The following NLRP8 variants were observed in gnomAD, a reference collection of about 807,000 sequenced individuals.
NLRP8 encodes the protein NACHT, LRR and PYD domains-containing protein 8.
Under a neutral mutation model 88.7 loss-of-function variants are expected in NLRP8, and 86 were observed. The ratio of observed to expected loss-of-function variants is 0.97; its 90% CI spans 0.81 to 1.16. NLRP8 has a LOEUF of 1.16. NLRP8 is among the 50% of genes most tolerant of loss of function. The pLI is 0.00. For synonymous variants in NLRP8, 504 were observed against 494.6 expected (o/e 1.02, Z -0.25); for missense variants, 1,342 against 1,286.5 (o/e 1.04, Z -0.66).
rs754607256 is a variant in NLRP8, at chr19:55,970,629, C to T, written c.2467C>T (p.Leu823=). Residue 823 remains leucine (L), a synonymous_variant, in exon 6 of 10, where the codon CTA becomes TTA. Transcript: ENST00000291971. ...TAACGGGCATCTAAAGACTCTCATA[C>T]TAAGAAAAAACTCCCTGGAGAACTG... The T allele has an allele frequency of 2.5e-6, 4 of 1,614,034 alleles. No homozygotes were observed. The East Asian group carries it at 6.7e-5, about 27-fold the overall frequency.
rs897678832 is a variant in NLRP8, at chr19:55,955,725, G to A, written c.1667G>A (p.Gly556Glu). Reference sequence around the variant, plus strand: ...AGCAAAAGCTATCTCTCTCACATGGGACTTTTCTTATTCGGTTTTCTGAAC... The same window carrying A: ...AGCAAAAGCTATCTCTCTCACATGGAACTTTTCTTATTCGGTTTTCTGAAC... Residue 556 changes from glycine (G) to glutamate (E), a missense_variant, in exon 3 of 10, where the codon GGA becomes GAA. Gly to Glu is a moderately conservative substitution (Grantham distance 98, BLOSUM62 -2). Transcript: ENST00000291971. The A allele has an allele frequency of 2.5e-6, 4 of 1,613,908 alleles. No homozygotes were observed. The highest frequency in any genetic ancestry group is 3.4e-6 in the Non-Finnish European group (4 of 1,179,942).
At position 55,955,059 on chromosome 19, in the gene NLRP8, T is replaced by C; in HGVS notation, c.1001T>C (p.Ile334Thr). 1.2e-6 allele frequency: 2 copies of C among 1,614,136 alleles called. No homozygotes were observed. The highest frequency in any genetic ancestry group is 1.1e-5 in the South Asian group (1 of 91,086). ...CCAGAGGCCACGCTACTGATCATGA[T>C]AAGATTTACCTCTTGGCAGACATGC... is the stretch of plus-strand genomic sequence containing the variant. The change falls in exon 3 of 10, where the codon ATA becomes ACA. Residue 334 changes from isoleucine (I) to threonine (T), a missense_variant. Coordinates refer to ENST00000291971, the MANE Select transcript of NLRP8 (RefSeq NM_176811.2).
Position 55,966,223 on chromosome 19 carries a change from G to A in NLRP8, c.2224G>A (p.Val742Met). 2.5e-6 allele frequency: 4 copies of A among 1,614,110 alleles called. No homozygotes were observed. The highest frequency in any genetic ancestry group is 3.4e-6 in the Non-Finnish European group (4 of 1,179,964). ...CTCTTCCCTCTCCAGCCTAAGGCGT[G>A]TGAATAGCACCATGTTGAACCAGGA... Residue 742 changes from valine (V) to methionine (M), a missense_variant, in exon 5 of 10, where the codon GTG becomes ATG. Transcript: ENST00000291971.
intron 9 of NLRP8, among the ~76,000 whole-genome samples, chr19:55,985,405 T>C (rs1233390749): frequency 3.9e-5 from 6 of 152,094 alleles, no homozygotes; most frequent in South Asian, 2.1e-4. Flanking sequence ...TGGAGAAATA[T>C]ACTAGGGAAA....
intron 9 of NLRP8, among the ~76,000 whole-genome samples, chr19:55,987,298 A>T (rs1980893935): frequency 6.6e-6 from 1 of 152,236 alleles, no homozygotes; most frequent in Non-Finnish European, 1.5e-5. Flanking sequence ...TTAACCCAGG[A>T]GGCAGAGGTT....
Position 55,952,529 on chromosome 19 carries a change from C to A in NLRP8, c.368-9C>A, listed in dbSNP as rs754663279. ...TTCCCGTGGAACAGCCTCCTTTTTTCTGTTACAGCCATTCTGCCTACCTTG... is the reference window on the plus strand; with the variant it reads ...TTCCCGTGGAACAGCCTCCTTTTTTATGTTACAGCCATTCTGCCTACCTTG... On this transcript the variant is annotated splice_polypyrimidine_tract_variant and intron_variant, in intron 1 of 9. Transcript: ENST00000291971. The A allele has an allele frequency of 1.2e-5, 19 of 1,612,114 alleles. No homozygotes were observed. The South Asian group carries it at 2.1e-4, about 18-fold the overall frequency.
At chr19:55,982,463 A>T (rs150280183) in intron 9 of NLRP8, among the ~76,000 whole-genome samples, 1 of 152,234 alleles carries the variant, frequency 6.6e-6, no homozygotes, top group Non-Finnish European at 1.5e-5. Context: ...GCCATGAAAA[A>T]GAAACTTAAG....
In NLRP8 at chr19:55,954,650, C is replaced by A; in HGVS notation, c.592C>A (p.Pro198Thr). 1 of 1,614,170 alleles carries A rather than the reference C, an allele frequency of 6.2e-7. No homozygotes were observed. The stretch of plus-strand genomic sequence containing the variant: ...ACCATGTCTGCTTCTGCCCAAAAGA[C>A]CCCAGGGTAGACAGCCCAAGACCGT... Residue 198 changes from proline (P) to threonine (T), a missense_variant, in exon 3 of 10, where the codon CCC (proline) becomes ACC (threonine). By Grantham distance (38) the Pro-to-Thr change is conservative (BLOSUM62 -1). Coordinates refer to ENST00000291971, the MANE Select transcript of NLRP8 (RefSeq NM_176811.2).
At chr19:55,959,532 G>A (rs1979523338) in intron 3 of NLRP8, among the ~76,000 whole-genome samples, 1 of 151,630 alleles carries the variant, frequency 6.6e-6, no homozygotes, top group Non-Finnish European at 1.5e-5. Flanking sequence ...TTTTTAAAAG[G>A]AATTGCTGCA....
chr19:55,982,684 T>C (rs1468991887), intron 9 of NLRP8, among the ~76,000 whole-genome samples: 2 of 152,222 alleles, frequency 1.3e-5, no homozygotes, highest in Non-Finnish European at 2.9e-5. Context: ...GGCTTGCACC[T>C]GTAATCTCAG....
At chr19:55,983,818 CAAAAAAAAAAAAAAA>C (rs56312019) in intron 9 of NLRP8, among the ~76,000 whole-genome samples, 1 of 84,658 alleles carries the variant, frequency 1.2e-5, no homozygotes, top group African/African-American at 4.5e-5. Context: ...CTAGTAGATG[CAAAAAAAAAAAAAAA>C]AAAAAAAAAA....
intron 9 of NLRP8, among the ~76,000 whole-genome samples, chr19:55,984,175 C>G (rs1600320407): frequency 6.6e-6 from 1 of 152,012 alleles, no homozygotes; most frequent in Non-Finnish European, 1.5e-5. Context: ...ATACATAGAA[C>G]AAGAACTGAT....
intron 4 of NLRP8, among the ~76,000 whole-genome samples, chr19:55,965,425 T>G (rs1228691616): frequency 6.6e-6 from 1 of 151,288 alleles, no homozygotes; most frequent in Non-Finnish European, 1.5e-5. Flanking sequence ...CACTCCAGCC[T>G]GCGCAACAGA....
rs1352084141 is a variant in NLRP8 at position 55,988,448 on chromosome 19, A to ATG, written c.*536_*537insGT. The ATG allele has an allele frequency of 8.2e-6, 1 of 122,130 alleles. No individual in the cohort carries two copies. Among genetic ancestry groups the ATG allele is most frequent in the East Asian group, 2.1e-4 (1 of 4,828 alleles). 7.6% of individuals were successfully genotyped at this position (122,130 alleles called of 1,614,324 possible). A position where few individuals can be genotyped will look rare whatever the true frequency, so the allele number is the denominator to read the frequency against. On this transcript the variant is annotated 3_prime_UTR_variant, in exon 10 of 10. Transcript: ENST00000291971. ...TAAATATATATATGTGTGTGTGTAT[A>ATG]TATATATATATATATATATATGCTA...
intron 1 of NLRP8, among the ~76,000 whole-genome samples, chr19:55,951,870 C>A (rs1158031838): frequency 6.6e-6 from 1 of 152,176 alleles, no homozygotes; most frequent in Non-Finnish European, 1.5e-5. Context: ...CTGCCTCAGC[C>A]TCCTGAGTGG....
chr19:55,948,309 G>T (rs1259934007), intron 1 of NLRP8, 40 bp downstream of exon 1: 1 of 1,575,950 alleles, frequency 6.3e-7, no homozygotes, highest in African/African-American at 1.3e-5. Context: ...GGTGGGCTTG[G>T]CTGCTGGGCA....
chr19:55,970,289 G>T (rs909769352), intron 5 of NLRP8, among the ~76,000 whole-genome samples: 6 of 151,892 alleles, frequency 4.0e-5, no homozygotes, highest in African/African-American at 1.2e-4. Flanking sequence ...GTATTTCAAG[G>T]AGCTGAATGG....
intron 9 of NLRP8, among the ~76,000 whole-genome samples, chr19:55,987,065 C>T (rs1247360999): frequency 6.6e-6 from 1 of 152,194 alleles, no homozygotes; most frequent in African/African-American, 2.4e-5. Flanking sequence ...TTCAGACATT[C>T]GGTCTAAAAT....
At chr19:55,971,720 T>C (rs952465558) in intron 6 of NLRP8, among the ~76,000 whole-genome samples, 2 of 152,074 alleles carry the variant, frequency 1.3e-5, no homozygotes, top group Admixed American at 1.3e-4. Flanking sequence ...AGGGCCTTGG[T>C]GAGTGTTCAT....
Sources: allele counts gnomAD v4.1 joint callset (sites outside exome capture counted in the v4.1 genomes callset), GRCh38; gene constraint gnomAD v4.1.1; transcripts MANE v1.5; gene names NCBI Gene and HGNC (gene_info 2026-07-23, HGNC 2026-07-21).